Variants in PLEKHG4B observed in about 807,000 individuals in gnomAD.
The protein encoded by PLEKHG4B is pleckstrin homology domain-containing family G member 4B.
In PLEKHG4B, 111 loss-of-function variants were observed where a neutral mutation model predicts 121.3. That is an observed-to-expected ratio of 0.92 (90% CI 0.78 to 1.07). The LOEUF is 1.07. Ranked by LOEUF, PLEKHG4B falls within the 50% of genes least tolerant of loss-of-function variation. The probability of loss-of-function intolerance (pLI) is 0.00; values close to 1 mark genes in which losing one functional copy is unlikely to be tolerated. For synonymous variants in PLEKHG4B, 738 were observed against 725.0 expected, an observed-to-expected ratio of 1.02 and a Z score of -0.29; for missense variants, 1,831 against 1,757.8, an observed-to-expected ratio of 1.04 and a Z score of -0.74.
At position 183,159 on chromosome 5, in the gene PLEKHG4B, C is replaced by G. The variant is rs1014925391; in HGVS notation, c.*836C>G. ...AGGAATGGGGATAATTAGCCCTAGA[C>G]TGAGCCCTGCTCCTGACTCGCCTAC... On this transcript the variant is annotated 3_prime_UTR_variant, in exon 20 of 20. Transcript: ENST00000637938. 6.6e-6 allele frequency: 1 copy of G among 152,232 alleles called. No individual in the cohort carries two copies. Among genetic ancestry groups the G allele is most frequent in the Non-Finnish European group, 1.5e-5 (1 of 68,044 alleles). 9.4% of individuals were successfully genotyped at this position (152,232 alleles called of 1,614,324 possible).
chr5:174,338 G>A (rs1243765490), intron 18 of PLEKHG4B, among the ~76,000 whole-genome samples: 2 of 141,092 alleles, frequency 1.4e-5, no homozygotes, highest in African/African-American at 2.7e-5. Context: ...AGCAGGGCCG[G>A]GGTGGGGGCT....
At chr5:138,047 C>T (rs1022889997) in intron 2 of PLEKHG4B, among the ~76,000 whole-genome samples, 2 of 152,224 alleles carry the variant, frequency 1.3e-5, no homozygotes, top group African/African-American at 4.8e-5. Flanking sequence ...TCTGTATGGA[C>T]TGTGGGTCTG....
At chr5:136,618 C>A (rs1381633087) in intron 2 of PLEKHG4B, among the ~76,000 whole-genome samples, 2 of 152,160 alleles carry the variant, frequency 1.3e-5, no homozygotes, top group African/African-American at 2.4e-5. Context: ...TTAGATACCA[C>A]CTCCCACCCA....
Position 188,325 on chromosome 5 carries a change from G to C in PLEKHG4B, c.*6002G>C, listed in dbSNP as rs1004943303. 2 of 152,224 alleles carry C rather than the reference G, an allele frequency of 1.3e-5. No homozygotes were observed. Among genetic ancestry groups the C allele is most frequent in the Non-Finnish European group, 2.9e-5 (2 of 68,088 alleles). The allele number at this position is 152,224 out of a possible 1,614,324, so 9.4% of individuals were successfully genotyped here. A position where few individuals can be genotyped will look rare whatever the true frequency, so the allele number is the denominator to read the frequency against. The stretch of plus-strand genomic sequence containing the variant: ...TCACACCTGCCTGATGTCCTGGGGG[G>C]GCTCACAGAGGACCGACCCTGCAGG... On this transcript the variant is annotated 3_prime_UTR_variant, in exon 20 of 20. Coordinates refer to ENST00000637938, the MANE Select transcript of PLEKHG4B (RefSeq NM_052909.5).
At chr5:167,452 C>T (rs894177838) in intron 13 of PLEKHG4B, among the ~76,000 whole-genome samples, 45 of 146,148 alleles carry the variant, frequency 3.1e-4, no homozygotes, top group African/African-American at 1.1e-3. Flanking sequence ...GAAAAAAAAT[C>T]TGCCAACTCC....
rs1039857443 is a variant in PLEKHG4B at position 156,737 on chromosome 5, C to T, written c.2349-36C>T. 4 of 1,529,930 alleles carry T rather than the reference C, an allele frequency of 2.6e-6. No homozygotes were observed. The highest frequency in any genetic ancestry group is 2.6e-6 in the Non-Finnish European group (3 of 1,133,916). The allele number at this position is 1,529,930 out of a possible 1,614,324, so 94.8% of individuals were successfully genotyped here. Reference sequence around the variant, plus strand: ...ACCAAGAGCAGATTCCTCAAGGGGCCGCCTGGAAGCCTGAGGACTGCCTTC... The same window carrying T: ...ACCAAGAGCAGATTCCTCAAGGGGCTGCCTGGAAGCCTGAGGACTGCCTTC... On this transcript the variant is annotated intron_variant, in intron 10 of 19. Coordinates refer to ENST00000637938, the MANE Select transcript of PLEKHG4B (RefSeq NM_052909.5). The surrounding 1 kb of genome is among the most constrained non-coding windows in gnomAD (Gnocchi z 4.4).
At position 113,252 on chromosome 5, in the gene PLEKHG4B, A is replaced by G. The variant is rs1579247511; in HGVS notation, c.47A>G (p.Asp16Gly). 5.0e-6 allele frequency: 2 copies of G among 399,032 alleles called. No homozygotes were observed. Among genetic ancestry groups the G allele is most frequent in the Non-Finnish European group, 8.8e-6 (2 of 226,122 alleles). The allele number at this position is 399,032 out of a possible 1,614,324, so 24.7% of individuals were successfully genotyped here. The change falls in exon 2 of 20, where the codon GAT becomes GGT. Residue 16 changes from aspartate (D) to glycine (G), a missense_variant and splice_region_variant. Coordinates refer to ENST00000637938, the MANE Select transcript of PLEKHG4B (RefSeq NM_052909.5). The surrounding 1 kb of genome is among the most constrained non-coding windows in gnomAD (Gnocchi z 5.2). Reference protein sequence around the residue: ...ADGGGGPGARDLESLDACIQR... With the variant: ...ADGGGGPGARGLESLDACIQR... ...TCTGAATTCTCTCTTTCATTTCAGG[A>G]TCTGGAATCTCTTGATGCCTGTATC...
chr5:161,187 C>T (rs910897261), intron 11 of PLEKHG4B, among the ~76,000 whole-genome samples: 8 of 152,244 alleles, frequency 5.3e-5, no homozygotes, highest in South Asian at 2.1e-4. Context: ...CACCAGGGCG[C>T]GTAGCCACAG....
intron 11 of PLEKHG4B, among the ~76,000 whole-genome samples, chr5:158,501 C>T (rs1735874147): frequency 6.8e-6 from 1 of 146,010 alleles, no homozygotes; most frequent in South Asian, 2.2e-4. Context: ...TGGGGGTCTC[C>T]CCTATCTCCC....
chr5:176,302 G>A (rs1219987304), intron 18 of PLEKHG4B, among the ~76,000 whole-genome samples: 1 of 151,970 alleles, frequency 6.6e-6, no homozygotes, highest in East Asian at 1.9e-4. Context: ...TTTGGGGTCT[G>A]CCTGACTGTA....
At chr5:101,208 C>T (rs76889969) in intron 1 of PLEKHG4B, among the ~76,000 whole-genome samples, 1 of 121,928 alleles carries the variant, frequency 8.2e-6, no homozygotes, top group African/African-American at 4.1e-5. Flanking sequence ...AGGGGAGAGA[C>T]TGTTGTGAGG....
At chr5:130,844 G>A (rs1464079302) in intron 2 of PLEKHG4B, among the ~76,000 whole-genome samples, 1 of 152,202 alleles carries the variant, frequency 6.6e-6, no homozygotes, top group Non-Finnish European at 1.5e-5. Flanking sequence ...AAGATTTATA[G>A]CATCTGGTCT....
chr5:182,404 G>T lies in PLEKHG4B; in HGVS notation c.*81G>T, dbSNP rs1579338039. On this transcript the variant is annotated 3_prime_UTR_variant, in exon 20 of 20. Coordinates refer to ENST00000637938, the MANE Select transcript of PLEKHG4B (RefSeq NM_052909.5). ...CACGCCAGGCCTGATGACTCTGGGG[G>T]TGGCGGTGCCCATCGCGTGGCTGGA... 7 of 1,414,948 alleles carry T rather than the reference G, an allele frequency of 4.9e-6. No homozygotes were observed. In the South Asian group the frequency reaches 9.3e-5, roughly 19 times the overall value. The allele number at this position is 1,414,948 out of a possible 1,614,324, so 87.6% of individuals were successfully genotyped here.
In PLEKHG4B at chr5:183,142, G is replaced by A. The variant is rs993429403; in HGVS notation, c.*819G>A. 1 of 152,180 alleles carries A rather than the reference G, an allele frequency of 6.6e-6. No individual in the cohort carries two copies. Among genetic ancestry groups the A allele is most frequent in the African/African-American group, 2.4e-5 (1 of 41,428 alleles). The allele number at this position is 152,180 out of a possible 1,614,324, so 9.4% of individuals were successfully genotyped here. ...TCAGAAAATCTTGCCTCAGGAATGG[G>A]GATAATTAGCCCTAGACTGAGCCCT... On this transcript the variant is annotated 3_prime_UTR_variant, in exon 20 of 20. Transcript: ENST00000637938.
chr5:164,793 CG>C (rs1736224243), intron 13 of PLEKHG4B, among the ~76,000 whole-genome samples: 4 of 88,648 alleles, frequency 4.5e-5, no homozygotes, highest in African/African-American at 8.8e-5. Flanking sequence ...AATGCTCTGA[CG>C]GGGCGGAGCT....
chr5:109,462 C>T (rs1250422550), intron 1 of PLEKHG4B, among the ~76,000 whole-genome samples: 1 of 149,864 alleles, frequency 6.7e-6, no homozygotes, highest in Non-Finnish European at 1.5e-5. Flanking sequence ...ATTAAAAGTA[C>T]CTCCCATACC....
intron 1 of PLEKHG4B, among the ~76,000 whole-genome samples, chr5:95,451 A>T (rs900140194): frequency 6.6e-6 from 1 of 151,942 alleles, no homozygotes; most frequent in Non-Finnish European, 1.5e-5. Context: ...TCTGCATACG[A>T]TGGTCAGAGC....
chr5:103,240 A>C (rs954878332), intron 1 of PLEKHG4B, among the ~76,000 whole-genome samples: 4 of 152,182 alleles, frequency 2.6e-5, no homozygotes, highest in Non-Finnish European at 5.9e-5. Flanking sequence ...TGTGAAGTTC[A>C]GTGCTGTTGT....
At chr5:102,210 A>T (rs1463160717) in intron 1 of PLEKHG4B, among the ~76,000 whole-genome samples, 1 of 152,206 alleles carries the variant, frequency 6.6e-6, no homozygotes, top group African/African-American at 2.4e-5. Context: ...GTAGGGAAAG[A>T]CTGTTGTGAG....
Sources: gnomAD v4.1 joint callset for allele counts (sites outside exome capture counted in the v4.1 genomes callset) on GRCh38, gnomAD v4.1.1 for gene constraint, Gnocchi (gnomAD v3.1) non-coding constraint, MANE v1.5 for transcripts, NCBI Gene and HGNC (gene_info 2026-07-23, HGNC 2026-07-21) for gene names.